Variants in EPC1 observed in about 807,000 individuals in gnomAD.
EPC1 encodes enhancer of polycomb homolog 1.
EPC1 carries 12 observed loss-of-function variants against 98.4 expected under a neutral mutation model. The observed-to-expected ratio is 0.12, with a 90% CI of 0.08 to 0.20. EPC1 has a LOEUF of 0.20. EPC1 is among the 10% of genes least tolerant of loss of function. The pLI, the probability that EPC1 is intolerant of heterozygous loss-of-function variation, is 1.00. For synonymous variants in EPC1, 357 were observed against 363.9 expected, an observed-to-expected ratio of 0.98 and a Z score of 0.21; for missense variants, 729 against 990.5, an observed-to-expected ratio of 0.74 and a Z score of 3.54.
At chr10:32,339,285 C>G (rs1592615910) in intron 1 of EPC1, among the ~76,000 whole-genome samples, 1 of 152,334 alleles carries the variant, frequency 6.6e-6, no homozygotes, top group African/African-American at 2.4e-5. Context: ...CCTACTGCAT[C>G]TTACAGTCAA....
chr10:32,274,364 A>G (rs988766858), intron 10 of EPC1, among the ~76,000 whole-genome samples: 1 of 152,170 alleles, frequency 6.6e-6, no homozygotes, highest in Non-Finnish European at 1.5e-5. Flanking sequence ...TTTAGTTAGA[A>G]TATCACTTCA....
chr10:32,286,543 C>G (rs1836688120), intron 9 of EPC1, 151 bp downstream of exon 9: 1 of 930,774 alleles, frequency 1.1e-6, no homozygotes, highest in South Asian at 1.9e-5. Context: ...CCAGGCAGCA[C>G]AGCAACAAAA....
At chr10:32,279,646 G>A (rs1345991181) in intron 10 of EPC1, among the ~76,000 whole-genome samples, 1 of 152,100 alleles carries the variant, frequency 6.6e-6, no homozygotes, top group East Asian at 1.9e-4. Flanking sequence ...AATTTTACTG[G>A]AAATTAGGAA....
intron 1 of EPC1, among the ~76,000 whole-genome samples, chr10:32,314,176 C>G (rs947892618): frequency 6.6e-6 from 1 of 151,902 alleles, no homozygotes; most frequent in Non-Finnish European, 1.5e-5. Context: ...TGCAATCTTA[C>G]AAAAATGGAA....
chr10:32,321,079 G>A (rs960842278), intron 1 of EPC1, among the ~76,000 whole-genome samples: 28 of 152,190 alleles, frequency 1.8e-4, no homozygotes, highest in African/African-American at 6.7e-4. Flanking sequence ...TTTTGACTAT[G>A]AAATCTCAAA....
Position 32,311,213 on chromosome 10 carries a change from T to C in EPC1, c.154-5282A>G, listed in dbSNP as rs574722683. On this transcript the variant is annotated intron_variant, in intron 1 of 13. Coordinates refer to ENST00000319778, the MANE Select transcript of EPC1 (RefSeq NM_001272004.3). Reference sequence around the variant, plus strand: ...CTGTAGTCCCAGCTACTAGGGAGGCTGAGGCAGGAGAATGGCATGAACCCA... The same window carrying C: ...CTGTAGTCCCAGCTACTAGGGAGGCCGAGGCAGGAGAATGGCATGAACCCA... Among the ~76,000 whole-genome samples, 3 of 151,700 alleles carry C rather than the reference T, an allele frequency of 2.0e-5. No homozygotes were observed. In the South Asian group the frequency reaches 6.2e-4, roughly 32 times the overall value.
At chr10:32,337,225 C>G (rs1458308936) in intron 1 of EPC1, among the ~76,000 whole-genome samples, 1 of 152,242 alleles carries the variant, frequency 6.6e-6, no homozygotes, top group Non-Finnish European at 1.5e-5. Flanking sequence ...CTCGGCCTCA[C>G]TACTGAGACA....
chr10:32,349,485 C>T (rs1839048787), upstream of EPC1, among the ~76,000 whole-genome samples: 1 of 152,192 alleles, frequency 6.6e-6, no homozygotes, highest in South Asian at 2.1e-4. Flanking sequence ...CTTTATCCGT[C>T]TCCTCAATGC....
intron 1 of EPC1, among the ~76,000 whole-genome samples, chr10:32,315,397 C>T (rs922009490): frequency 1.3e-5 from 2 of 152,118 alleles, no homozygotes; most frequent in Non-Finnish European, 2.9e-5. Flanking sequence ...AAATTATATT[C>T]ATTTATTCAT....
intron 1 of EPC1, among the ~76,000 whole-genome samples, chr10:32,366,538 T>A (rs1839608882): frequency 6.6e-6 from 1 of 152,234 alleles, no homozygotes; most frequent in African/African-American, 2.4e-5. Flanking sequence ...GCCCCAAATT[T>A]ATTCATTGTT....
Position 32,287,011 on chromosome 10 carries a change from A to C in EPC1, c.1157T>G (p.Leu386Trp), listed in dbSNP as rs780153293. The C allele has an allele frequency of 6.2e-7, 1 of 1,614,084 alleles. No homozygotes were observed. The highest frequency in any genetic ancestry group is 1.3e-5 in the African/African-American group (1 of 75,050). The change falls in exon 8 of 14, where the codon TTG (leucine) becomes TGG (tryptophan). Residue 386 changes from leucine (L) to tryptophan (W), a missense_variant. This residue lies in a region of EPC1 where 390 missense variants were observed against 438.6 expected (regional missense o/e 0.89). Transcript: ENST00000319778. ...SSDEEPLSQV[L>W]SGSSEAEEDN... is the part of the protein sequence containing the mutation. ...TTCCTCAGCTTCCGAAGAGCCAGAC[A>C]AAACCTTTAAATGAAATAAAGAAAG...
intron 1 of EPC1, among the ~76,000 whole-genome samples, chr10:32,369,356 G>A (rs1297612162): frequency 6.6e-6 from 1 of 152,108 alleles, no homozygotes; most frequent in African/African-American, 2.4e-5. Flanking sequence ...AATAAGAAAT[G>A]ATACGACTCA....
At chr10:32,331,222 G>T (rs1467926385) in intron 1 of EPC1, among the ~76,000 whole-genome samples, 1 of 151,918 alleles carries the variant, frequency 6.6e-6, no homozygotes, top group Non-Finnish European at 1.5e-5. Context: ...CATGGTGGTG[G>T]GTGCCTGTAA....
At chr10:32,286,882 A>C (rs758367214) in intron 8 of EPC1, 40 bp from the exon 9 acceptor site, 1 of 1,611,182 alleles carries the variant, frequency 6.2e-7, no homozygotes, top group Non-Finnish European at 8.5e-7. Context: ...TTTGTCAGTT[A>C]AAGGTAAATA....
At chr10:32,306,040 CTAG>C in intron 1 of EPC1, 109 bp from the exon 2 acceptor site, 1 of 916,572 alleles carries the variant, frequency 1.1e-6, no homozygotes, top group Non-Finnish European at 1.6e-6. Context: ...TAGAGAGATT[CTAG>C]TAGTAGATCT....
Position 32,373,966 on chromosome 10 carries a change from A to G in EPC1, c.3+4525T>C, listed in dbSNP as rs1313792154. On this transcript the variant is annotated intron_variant, in intron 1 of 13. Transcript: ENST00000375110. ...AATATAACACACCTAGCTACTATAG[A>G]TTAATTGGCTGTATGACACAATAAT... 2.6e-5 allele frequency among the ~76,000 whole-genome samples: 4 copies of G among 152,188 alleles called. No homozygotes were observed. In the East Asian group the frequency reaches 5.8e-4, roughly 22 times the overall value.
At chr10:32,363,365 G>A (rs1450693692) in intron 1 of EPC1, among the ~76,000 whole-genome samples, 2 of 152,190 alleles carry the variant, frequency 1.3e-5, no homozygotes, top group African/African-American at 4.8e-5. Context: ...GCAAGCTTGA[G>A]CTACCGTGCT....
chr10:32,360,086 T>C (rs1839397742), intron 1 of EPC1, among the ~76,000 whole-genome samples: 1 of 152,234 alleles, frequency 6.6e-6, no homozygotes, highest in African/African-American at 2.4e-5. Context: ...ATCATTCATA[T>C]GTTTGTATCA....
intron 10 of EPC1, chr10:32,283,164 G>T (rs1008671441): frequency 6.6e-6 from 1 of 152,102 alleles, no homozygotes; most frequent in Admixed American, 6.6e-5. Flanking sequence ...AACTGCCTGG[G>T]TCTACTTATT....
Sources: allele counts gnomAD v4.1 joint callset (sites outside exome capture counted in the v4.1 genomes callset), GRCh38; gene constraint gnomAD v4.1.1; regional missense constraint gnomAD v4.1.1; transcripts MANE v1.5; gene names NCBI Gene and HGNC (gene_info 2026-07-23, HGNC 2026-07-21).